The following ST3GAL1 variants were observed in gnomAD, a reference collection of about 807,000 sequenced individuals.
ST3GAL1 encodes ST3 beta-galactoside alpha-2,3-sialyltransferase 1.
A neutral mutation model predicts 34.1 loss-of-function variants in ST3GAL1; 16 were observed. The ratio of observed to expected loss-of-function variants is 0.47; its 90% CI spans 0.32 to 0.71. The LOEUF is 0.71. Among genes scored for constraint, ST3GAL1 ranks in the 30% least tolerant of loss-of-function variants. ST3GAL1 has a pLI of 0.04. For synonymous variants in ST3GAL1, 191 were observed against 184.7 expected, an observed-to-expected ratio of 1.03 and a Z score of -0.28; for missense variants, 353 against 447.4, an observed-to-expected ratio of 0.79 and a Z score of 1.90.
At chr8:133,509,883 C>T (rs1349559456) in intron 2 of ST3GAL1, among the ~76,000 whole-genome samples, 1 of 152,014 alleles carries the variant, frequency 6.6e-6, no homozygotes, top group East Asian at 1.9e-4. Context: ...AATGGTGACA[C>T]CCCATCTCTA....
At chr8:133,489,141 A>G (rs1816706426) in intron 3 of ST3GAL1, among the ~76,000 whole-genome samples, 1 of 152,128 alleles carries the variant, frequency 6.6e-6, no homozygotes, top group South Asian at 2.1e-4. Context: ...CACCATTTCC[A>G]GCCCCAGGGA....
intron 2 of ST3GAL1, among the ~76,000 whole-genome samples, chr8:133,518,676 T>C (rs538092763): frequency 2.6e-5 from 4 of 152,070 alleles, no homozygotes; most frequent in African/African-American, 4.8e-5. Flanking sequence ...CAGGTAAACA[T>C]AGTGACAAGC....
chr8:133,540,850 T>TAGACATATATATAG (rs1818462669), intron 2 of ST3GAL1, among the ~76,000 whole-genome samples: 1 of 115,518 alleles, frequency 8.7e-6, no homozygotes, highest in African/African-American at 3.2e-5. Flanking sequence ...GACATATATA[T>TAGACATATATATAG]AGAGACATAT....
At chr8:133,484,847 C>T (rs934050776) in intron 3 of ST3GAL1, among the ~76,000 whole-genome samples, 11 of 152,178 alleles carry the variant, frequency 7.2e-5, no homozygotes, top group Non-Finnish European at 1.2e-4. Context: ...ACCGCTGACC[C>T]TGGGTGATGA....
chr8:133,559,776 C>T (rs1207339110), intron 1 of ST3GAL1, among the ~76,000 whole-genome samples: 1 of 152,192 alleles, frequency 6.6e-6, no homozygotes, highest in African/African-American at 2.4e-5. Context: ...CCAAGAGGCT[C>T]CCATCTAGCT....
At chr8:133,528,254 C>T (rs912957214) in intron 2 of ST3GAL1, among the ~76,000 whole-genome samples, 3 of 152,160 alleles carry the variant, frequency 2.0e-5, no homozygotes, top group Non-Finnish European at 4.4e-5. Context: ...CCCCCAGAGA[C>T]CACACCAAGC....
chr8:133,543,596 TAATTGAAAAAAATTAAA>T (rs1818594483), intron 2 of ST3GAL1, among the ~76,000 whole-genome samples: 2 of 152,062 alleles, frequency 1.3e-5, no homozygotes, highest in Admixed American at 1.3e-4. Flanking sequence ...AAAAATAAAA[TAATTGAAAAAAATTAAA>T]AATGGAAACG....
chr8:133,531,708 T>C (rs1818158126), intron 2 of ST3GAL1, among the ~76,000 whole-genome samples: 1 of 150,132 alleles, frequency 6.7e-6, no homozygotes, highest in Non-Finnish European at 1.5e-5. Context: ...AATGCCTGCT[T>C]AAAACCTAGA....
intron 2 of ST3GAL1, among the ~76,000 whole-genome samples, chr8:133,518,222 C>T (rs1402852283): frequency 2.0e-5 from 3 of 152,162 alleles, no homozygotes; most frequent in Non-Finnish European, 2.9e-5. Flanking sequence ...GAGGGTGGGT[C>T]CTGCAGGGCT....
intron 2 of ST3GAL1, among the ~76,000 whole-genome samples, chr8:133,500,772 G>C (rs752985229): frequency 1.1e-4 from 17 of 152,180 alleles, no homozygotes; most frequent in Non-Finnish European, 1.8e-4. Context: ...TGCTCCCTGA[G>C]GGCTGAACTA....
intron 1 of ST3GAL1, among the ~76,000 whole-genome samples, chr8:133,548,461 C>T (rs11985811): frequency 0.021 from 3,252 of 152,294 alleles, 120 homozygotes; most frequent in African/African-American, 0.073. Context: ...AAAGCATTAC[C>T]GCCAACACGT....
chr8:133,538,369 G>A (rs1818369445), intron 2 of ST3GAL1, among the ~76,000 whole-genome samples: 1 of 152,124 alleles, frequency 6.6e-6, no homozygotes. Flanking sequence ...ATAAAAATTA[G>A]CCAGGTGTGG....
At chr8:133,521,008 A>C (rs1480925115) in intron 2 of ST3GAL1, among the ~76,000 whole-genome samples, 1 of 48,282 alleles carries the variant, frequency 2.1e-5, no homozygotes. Context: ...GCTAGAGTGC[A>C]GTGGTGCAAT....
At chr8:133,468,080 G>C (rs1441049993) in intron 5 of ST3GAL1, among the ~76,000 whole-genome samples, 1 of 152,108 alleles carries the variant, frequency 6.6e-6, no homozygotes, top group Non-Finnish European at 1.5e-5. Context: ...AGGTTAAACA[G>C]AACAGCCATG....
intron 3 of ST3GAL1, among the ~76,000 whole-genome samples, chr8:133,481,603 C>A (rs1816394688): frequency 6.6e-6 from 1 of 152,162 alleles, no homozygotes; most frequent in Admixed American, 6.5e-5. Context: ...TCAAGTGATT[C>A]TCCTGCCTCA....
At chr8:133,535,253 A>G (rs1435057204) in intron 2 of ST3GAL1, among the ~76,000 whole-genome samples, 1 of 152,216 alleles carries the variant, frequency 6.6e-6, no homozygotes, top group Non-Finnish European at 1.5e-5. Flanking sequence ...TTATATCTAT[A>G]TCTATATCCA....
chr8:133,464,916 C>G lies in ST3GAL1; in HGVS notation c.545G>C (p.Gly182Ala). ...CACCAGATGGTGGGTGGTCTTGGTC[C>G]CAACATCAGCTTCAAACCCTGCCGT... ...APTAGFEADV[G>A]TKTTHHLVYP... Residue 182 changes from glycine to alanine, a missense_variant, in exon 7 of 10, where the codon GGG (glycine) becomes GCG (alanine). Coordinates refer to ENST00000522652, the MANE Select transcript of ST3GAL1 (RefSeq NM_173344.3). 1 of 1,613,960 alleles carries G rather than the reference C, an allele frequency of 6.2e-7. No individual in the cohort carries two copies. Among genetic ancestry groups the G allele is most frequent in the South Asian group, 1.1e-5 (1 of 91,062 alleles).
At chr8:133,474,812 C>G (rs1469704666) in intron 5 of ST3GAL1, among the ~76,000 whole-genome samples, 1 of 152,176 alleles carries the variant, frequency 6.6e-6, no homozygotes, top group African/African-American at 2.4e-5. Flanking sequence ...TTACAGAAGC[C>G]CCCTCTAAGT....
intron 2 of ST3GAL1, among the ~76,000 whole-genome samples, chr8:133,539,372 C>T (rs1441134831): frequency 6.6e-6 from 1 of 152,202 alleles, no homozygotes; most frequent in African/African-American, 2.4e-5. Context: ...CTCTCGCTGA[C>T]ACTGCAGCTC....
Sources: allele counts gnomAD v4.1 joint callset (sites outside exome capture counted in the v4.1 genomes callset), GRCh38; gene constraint gnomAD v4.1.1; transcripts MANE v1.5; gene names NCBI Gene and HGNC (gene_info 2026-07-23, HGNC 2026-07-21).